The following PFDN1 variants were observed in gnomAD, a reference collection of about 807,000 sequenced individuals.
The protein encoded by PFDN1 is prefoldin 1.
A neutral mutation model predicts 17.3 loss-of-function variants in PFDN1; 6 were observed. The ratio of observed to expected loss-of-function variants is 0.35; its 90% confidence interval spans 0.19 to 0.69. PFDN1 has a LOEUF of 0.69. PFDN1 is among the 30% of genes least tolerant of loss of function. The pLI is 0.65. For synonymous variants in PFDN1, 58 were observed against 50.1 expected (o/e 1.16, Z -0.67); for missense variants, 113 against 146.2 (o/e 0.77, Z 1.17).
chr5:140,279,052 T>C (rs1331145273), intron 3 of PFDN1, among the ~76,000 whole-genome samples: 1 of 152,166 alleles, frequency 6.6e-6, no homozygotes, highest in East Asian at 1.9e-4. Flanking sequence ...ACTGGAGTTA[T>C]ATTACTAAAG....
At chr5:140,255,133 A>G (rs1380309298) in intron 3 of PFDN1, among the ~76,000 whole-genome samples, 1 of 152,204 alleles carries the variant, frequency 6.6e-6, no homozygotes. Context: ...TAACTATTTC[A>G]TGCTTTGTCT....
At position 140,245,234 on chromosome 5, in the gene PFDN1, T is replaced by G. The variant is rs956043724; in HGVS notation, c.*740A>C. ...CCAGCTGGATCACACCGTTGCCCCC[T>G]CAGCCTCTAGGAGGCCTCAGGATTA... On this transcript the variant is annotated 3_prime_UTR_variant, in exon 4 of 4. Coordinates refer to ENST00000261813, the MANE Select transcript of PFDN1 (RefSeq NM_002622.5). 14 of 427,066 alleles carry G rather than the reference T, an allele frequency of 3.3e-5. No homozygotes were observed. The highest frequency in any genetic ancestry group is 4.2e-6 in the Non-Finnish European group (1 of 238,540). 26.5% of individuals were successfully genotyped at this position (427,066 alleles called of 1,614,324 possible).
Position 140,251,311 on chromosome 5 carries a change from T to G in PFDN1, c.286-5254A>C, listed in dbSNP as rs1438454295. Among the ~76,000 whole-genome samples the G allele has an allele frequency of 2.0e-5, 3 of 152,304 alleles. No individual in the cohort carries two copies. In the East Asian group the frequency reaches 5.8e-4, roughly 29 times the overall value. The stretch of plus-strand genomic sequence containing the variant: ...TATGAATTACTGATTTATAATAAAA[T>G]AAATAAATAATAAAACTCAAACGTT... On this transcript the variant is annotated intron_variant, in intron 3 of 3. Coordinates refer to ENST00000261813, the MANE Select transcript of PFDN1 (RefSeq NM_002622.5).
intron 2 of PFDN1, among the ~76,000 whole-genome samples, chr5:140,287,033 G>C (rs1333900085): frequency 6.6e-6 from 1 of 152,106 alleles, no homozygotes; most frequent in Non-Finnish European, 1.5e-5. Context: ...TATTATAGTG[G>C]CTCTAATGTA....
At chr5:140,286,119 T>C (rs947808584) in intron 2 of PFDN1, among the ~76,000 whole-genome samples, 1 of 151,870 alleles carries the variant, frequency 6.6e-6, no homozygotes, top group Admixed American at 6.6e-5. Context: ...GTTTAAAAAA[T>C]TAGCACGTCA....
chr5:140,247,130 T>C (rs1207284673), intron 3 of PFDN1, among the ~76,000 whole-genome samples: 2 of 152,148 alleles, frequency 1.3e-5, no homozygotes, highest in Admixed American at 6.5e-5. Context: ...GTCCAATTAA[T>C]TAGTTGTTTG....
At chr5:140,269,020 T>A (rs991362602) in intron 3 of PFDN1, among the ~76,000 whole-genome samples, 1 of 152,182 alleles carries the variant, frequency 6.6e-6, no homozygotes, top group Non-Finnish European at 1.5e-5. Flanking sequence ...TTATTTTTTA[T>A]GTATTTTTTG....
At chr5:140,290,241 A>C (rs1437988802) in intron 2 of PFDN1, among the ~76,000 whole-genome samples, 1 of 152,210 alleles carries the variant, frequency 6.6e-6, no homozygotes, top group Admixed American at 6.5e-5. Context: ...CCAAGATTTA[A>C]GCCTAAGCAT....
Position 140,259,883 on chromosome 5 carries a change from C to T in PFDN1, c.286-13826G>A, listed in dbSNP as rs558111662. ...TCTTTCAAGTCAACAACAACAAAGA[C>T]GAACCAATTTTAAAATAAGCAAAGG... On this transcript the variant is annotated intron_variant, in intron 3 of 3. Coordinates refer to ENST00000261813, the MANE Select transcript of PFDN1 (RefSeq NM_002622.5). Among the ~76,000 whole-genome samples, 15 of 152,272 alleles carry T rather than the reference C, an allele frequency of 9.9e-5. No individual in the cohort carries two copies. In the East Asian group the frequency reaches 1.2e-3, roughly 12 times the overall value.
intron 2 of PFDN1, among the ~76,000 whole-genome samples, chr5:140,292,055 C>T (rs537427306): frequency 1.3e-5 from 2 of 152,088 alleles, no homozygotes. Flanking sequence ...GAAATGGAAG[C>T]AGTAGTATGT....
intron 3 of PFDN1, among the ~76,000 whole-genome samples, chr5:140,278,308 C>T (rs1266486926): frequency 6.6e-6 from 1 of 151,988 alleles, no homozygotes; most frequent in Non-Finnish European, 1.5e-5. Context: ...TGGCTCACAC[C>T]TGTAATCCCA....
intron 2 of PFDN1, among the ~76,000 whole-genome samples, chr5:140,296,233 C>CT (rs997898676): frequency 1.3e-5 from 2 of 152,006 alleles, no homozygotes; most frequent in African/African-American, 4.8e-5. Context: ...TTCTAAAATA[C>CT]TTTTTTTTCT....
Position 140,254,846 on chromosome 5 carries a change from C to T in PFDN1, c.286-8789G>A, listed in dbSNP as rs2126679498. Among the ~76,000 whole-genome samples the T allele has an allele frequency of 6.6e-6, 1 of 152,302 alleles. No individual in the cohort carries two copies. The highest frequency in any genetic ancestry group is 1.9e-4 in the East Asian group (1 of 5,184). On this transcript the variant is annotated intron_variant, in intron 3 of 3. Transcript: ENST00000261813. This position sits in a 1 kb window ranked among gnomAD's most constrained non-coding sequence, Gnocchi z 4.4. Reference sequence around the variant, plus strand: ...GCTTTTCCCTTCCTACCCAGCTTTGCTTATATAGTCCATCATTTATATTTA... The same window carrying T: ...GCTTTTCCCTTCCTACCCAGCTTTGTTTATATAGTCCATCATTTATATTTA...
At chr5:140,255,431 A>G (rs1282690267) in intron 3 of PFDN1, among the ~76,000 whole-genome samples, 1 of 152,012 alleles carries the variant, frequency 6.6e-6, no homozygotes. Flanking sequence ...AATATCACCC[A>G]CCTATTAGTG....
intron 2 of PFDN1, among the ~76,000 whole-genome samples, chr5:140,282,228 C>T (rs992377360): frequency 2.0e-5 from 3 of 148,394 alleles, no homozygotes; most frequent in Non-Finnish European, 4.5e-5. Flanking sequence ...GAAAATCAGG[C>T]TTCAAGTAGA....
Position 140,254,410 on chromosome 5 carries a change from T to C in PFDN1, c.286-8353A>G, listed in dbSNP as rs143764219. Among the ~76,000 whole-genome samples, 463 of 152,272 alleles carry C rather than the reference T, an allele frequency of 3.0e-3. 3 individuals are homozygous for C. The highest frequency in any genetic ancestry group is 3.5e-3 in the Non-Finnish European group (240 of 68,018). ...CCAAACCATTTCCCCTCCTTTATCC[T>C]TCATAAACCCTGGTCCTTGAAGTTC... is the stretch of plus-strand genomic sequence containing the variant. On this transcript the variant is annotated intron_variant, in intron 3 of 3. Transcript: ENST00000261813. The surrounding 1 kb of genome is among the most constrained non-coding windows in gnomAD (Gnocchi z 4.4).
At chr5:140,297,911 A>G (rs1430192444) in intron 2 of PFDN1, among the ~76,000 whole-genome samples, 1 of 152,218 alleles carries the variant, frequency 6.6e-6, no homozygotes, top group Non-Finnish European at 1.5e-5. Flanking sequence ...AACAAAGGCT[A>G]GCGCAGTGAT....
At chr5:140,265,391 A>G (rs1052512696) in intron 3 of PFDN1, among the ~76,000 whole-genome samples, 3 of 152,124 alleles carry the variant, frequency 2.0e-5, no homozygotes, top group Non-Finnish European at 4.4e-5. Context: ...TCCCTTCTCC[A>G]GCTATACTTT....
rs564845364 is a variant in PFDN1, at chr5:140,275,163, C to G, written c.285+6286G>C. ...GTGGCTCACACCTGTAATCCCAGCA[C>G]TTTGGGAGGCCAAGGCAGGCAGATC... On this transcript the variant is annotated intron_variant, in intron 3 of 3. Transcript: ENST00000261813. Among the ~76,000 whole-genome samples, 7 of 152,196 alleles carry G rather than the reference C, an allele frequency of 4.6e-5. No homozygotes were observed. In the South Asian group the frequency reaches 1.4e-3, roughly 32 times the overall value.
Sources: gnomAD v4.1 joint callset for allele counts (sites outside exome capture counted in the v4.1 genomes callset) on GRCh38, gnomAD v4.1.1 for gene constraint, Gnocchi (gnomAD v3.1) non-coding constraint, MANE v1.5 for transcripts, NCBI Gene and HGNC (gene_info 2026-07-23, HGNC 2026-07-21) for gene names.